GALNT13: variants seen among roughly 807,000 people sequenced by gnomAD.
GALNT13 encodes polypeptide N-acetylgalactosaminyltransferase 13.
Under a neutral mutation model 64.2 loss-of-function variants are expected in GALNT13, and 28 were observed. The ratio of observed to expected loss-of-function variants is 0.44; its 90% CI spans 0.32 to 0.60. GALNT13 has a LOEUF of 0.60. Ranked by LOEUF, GALNT13 falls within the 20% of genes least tolerant of loss-of-function variation. The probability of loss-of-function intolerance (pLI) is 0.05; values close to 1 mark genes in which losing one functional copy is unlikely to be tolerated. For synonymous variants in GALNT13, 214 were observed against 224.6 expected (o/e 0.95, Z 0.42); for missense variants, 577 against 669.8 (o/e 0.86, Z 1.53).
intron 4 of GALNT13, among the ~76,000 whole-genome samples, chr2:154,143,330 C>T (rs573797873): frequency 1.1e-4 from 16 of 152,160 alleles, no homozygotes; most frequent in African/African-American, 3.9e-4. Context: ...TATAACAGGC[C>T]AGGACCAGTA....
the GALNT13 span, among the ~76,000 whole-genome samples, chr2:153,625,126 G>A: frequency 6.6e-6 from 1 of 151,990 alleles, no homozygotes; most frequent in Non-Finnish European, 1.5e-5. Context: ...TAATTAGAAA[G>A]GCTTTTGAAC....
chr2:153,687,610 T>C, the GALNT13 span, among the ~76,000 whole-genome samples: 1 of 151,962 alleles, frequency 6.6e-6, no homozygotes, highest in African/African-American at 2.4e-5. Flanking sequence ...CTGTCACTTA[T>C]TCATGTCAGT....
intron 1 of GALNT13, among the ~76,000 whole-genome samples, chr2:153,892,193 C>G (rs1240574866): frequency 6.6e-6 from 1 of 151,954 alleles, no homozygotes; most frequent in Non-Finnish European, 1.5e-5. Context: ...TCTCATTGTT[C>G]CTCTGAGACC....
chr2:153,408,870 C>T, the GALNT13 span, among the ~76,000 whole-genome samples: 6 of 152,098 alleles, frequency 3.9e-5, no homozygotes, highest in Non-Finnish European at 8.8e-5. Flanking sequence ...TCAGTGGACT[C>T]AGTGAGTCAG....
chr2:154,089,134 C>T (rs769361798), intron 3 of GALNT13, among the ~76,000 whole-genome samples: 1 of 152,026 alleles, frequency 6.6e-6, no homozygotes, highest in Non-Finnish European at 1.5e-5. Context: ...TTTAACCTTC[C>T]CCACACTTTA....
the GALNT13 span, among the ~76,000 whole-genome samples, chr2:153,662,136 G>A: frequency 6.6e-6 from 1 of 152,138 alleles, no homozygotes; most frequent in African/African-American, 2.4e-5. Flanking sequence ...TCATTAAAGA[G>A]AGCTGAATAA....
intron 9 of GALNT13, among the ~76,000 whole-genome samples, chr2:154,357,354 A>C (rs1345124399): frequency 6.6e-6 from 1 of 151,936 alleles, no homozygotes; most frequent in Non-Finnish European, 1.5e-5. Context: ...TTAACCTTTA[A>C]TTTTCATATT....
chr2:154,035,680 T>C (rs1216635052), intron 3 of GALNT13, among the ~76,000 whole-genome samples: 1 of 152,070 alleles, frequency 6.6e-6, no homozygotes, highest in East Asian at 1.9e-4. Flanking sequence ...GTTTGGAACA[T>C]AGTAGACCTC....
chr2:153,849,581 T>A, the GALNT13 span, among the ~76,000 whole-genome samples: 1 of 152,254 alleles, frequency 6.6e-6, no homozygotes, highest in South Asian at 2.1e-4. Flanking sequence ...ATTGCCCCAG[T>A]TTGTGGCCAT....
chr2:153,366,027 G>A, the GALNT13 span, among the ~76,000 whole-genome samples: 51 of 152,268 alleles, frequency 3.3e-4, no homozygotes, highest in African/African-American at 1.1e-3. Flanking sequence ...AAAAGAAAAT[G>A]TTATACATGT....
chr2:154,086,690 A>G (rs1388555501), intron 3 of GALNT13, among the ~76,000 whole-genome samples: 1 of 152,034 alleles, frequency 6.6e-6, no homozygotes, highest in African/African-American at 2.4e-5. Context: ...CCAATTACAA[A>G]TTACAACGTG....
the GALNT13 span, among the ~76,000 whole-genome samples, chr2:153,378,523 C>A: frequency 1.3e-5 from 2 of 152,124 alleles, no homozygotes; most frequent in Non-Finnish European, 2.9e-5. Flanking sequence ...AGTCAAGGGG[C>A]TGACCTCCGT....
chr2:154,369,578 A>T (rs1339428723), intron 9 of GALNT13, among the ~76,000 whole-genome samples: 2 of 152,104 alleles, frequency 1.3e-5, no homozygotes, highest in Non-Finnish European at 2.9e-5. Context: ...TGGCCCCTCC[A>T]AAGTTAATGT....
intron 8 of GALNT13, among the ~76,000 whole-genome samples, chr2:154,265,246 G>A (rs1051477395): frequency 6.6e-6 from 1 of 151,132 alleles, no homozygotes; most frequent in Admixed American, 6.6e-5. Context: ...AAAGCTCACA[G>A]AAAGAAAAAA....
chr2:153,243,891 A>G, the GALNT13 span, among the ~76,000 whole-genome samples: 1 of 152,100 alleles, frequency 6.6e-6, no homozygotes, highest in Non-Finnish European at 1.5e-5. Flanking sequence ...TGTTTAATGG[A>G]AAATTGTATA....
At chr2:154,145,049 TCTCTCTC>T (rs1159469088) in intron 4 of GALNT13, among the ~76,000 whole-genome samples, 1 of 30,530 alleles carries the variant, frequency 3.3e-5, no homozygotes, top group Non-Finnish European at 8.0e-5. Flanking sequence ...TTTATGTAGT[TCTCTCTC>T]TCTCTCTCTC....
chr2:153,948,405 G>T (rs1178448220), intron 3 of GALNT13, among the ~76,000 whole-genome samples: 2 of 152,006 alleles, frequency 1.3e-5, no homozygotes, highest in Non-Finnish European at 1.5e-5. Context: ...CCTGTTGGTG[G>T]GAGTGTAAAT....
chr2:153,522,465 A>G, the GALNT13 span, among the ~76,000 whole-genome samples: 3 of 152,108 alleles, frequency 2.0e-5, no homozygotes, highest in East Asian at 3.9e-4. Context: ...CTGTCTTCCA[A>G]AGTAGCTTTA....
chr2:153,601,642 C>A, the GALNT13 span, among the ~76,000 whole-genome samples: 1 of 151,524 alleles, frequency 6.6e-6, no homozygotes, highest in East Asian at 1.9e-4. Context: ...GAAATGAAAG[C>A]ATATTGTACA....
Sources: allele counts gnomAD v4.1 joint callset (sites outside exome capture counted in the v4.1 genomes callset), GRCh38; gene constraint gnomAD v4.1.1; transcripts MANE v1.5; gene names NCBI Gene and HGNC (gene_info 2026-07-23, HGNC 2026-07-21).